The following RERE variants were observed in gnomAD, a reference collection of about 807,000 sequenced individuals.
RERE encodes the protein arginine-glutamic acid dipeptide repeats protein.
A neutral mutation model predicts 146.1 loss-of-function variants in RERE; 40 were observed. The ratio of observed to expected loss-of-function variants is 0.27; its 90% CI spans 0.21 to 0.36. The LOEUF is 0.36. Among genes scored for constraint, RERE ranks in the 10% least tolerant of loss-of-function variants. The pLI, the probability that RERE is intolerant of heterozygous loss-of-function variation, is 1.00. For synonymous variants in RERE, 1,003 were observed against 866.0 expected (o/e 1.16, Z -2.78); for missense variants, 1,933 against 2,138.7 (o/e 0.90, Z 1.90).
chr1:8,446,844 T>C (rs1359597318), intron 11 of RERE, among the ~76,000 whole-genome samples: 1 of 151,796 alleles, frequency 6.6e-6, no homozygotes, highest in Middle Eastern at 3.2e-3. Flanking sequence ...GGGCTAATTT[T>C]TTTTTTTTGT....
intron 1 of RERE, among the ~76,000 whole-genome samples, chr1:8,709,018 T>C (rs1639615169): frequency 6.8e-6 from 1 of 146,380 alleles, no homozygotes; most frequent in South Asian, 2.3e-4. Flanking sequence ...GTTCACGCCA[T>C]TCTTCTGCCT....
At chr1:8,525,724 C>A (rs758568964) in intron 7 of RERE, 1 of 1,572,082 alleles carries the variant, frequency 6.4e-7, no homozygotes. Context: ...CAAAACCCAT[C>A]ACTGTTTCGG....
chr1:8,473,737 T>C (rs1644719806), intron 10 of RERE, among the ~76,000 whole-genome samples: 1 of 152,358 alleles, frequency 6.6e-6, no homozygotes, highest in Admixed American at 6.5e-5. Flanking sequence ...GGTTTTCATC[T>C]GTTAAATGGG....
intron 1 of RERE, among the ~76,000 whole-genome samples, chr1:8,657,291 C>T (rs1281142944): frequency 3.4e-5 from 4 of 116,824 alleles, no homozygotes; most frequent in African/African-American, 1.0e-4. Context: ...GGCGACAGAG[C>T]GAGAGACTCC....
At chr1:8,540,846 C>T (rs1645791904) in intron 7 of RERE, among the ~76,000 whole-genome samples, 1 of 152,090 alleles carries the variant, frequency 6.6e-6, no homozygotes, top group African/African-American at 2.4e-5. Context: ...TAGTCTTTTT[C>T]AATATGGTAT....
At chr1:8,559,223 T>C (rs1295479406) in intron 4 of RERE, among the ~76,000 whole-genome samples, 1 of 126,144 alleles carries the variant, frequency 7.9e-6, no homozygotes, top group African/African-American at 3.1e-5. Flanking sequence ...GAAGTTGAGG[T>C]GAGCCAAGAT....
At chr1:8,567,190 C>G (rs76562614) in intron 4 of RERE, among the ~76,000 whole-genome samples, 239 of 152,226 alleles carry the variant, frequency 1.6e-3, no homozygotes, top group African/African-American at 5.3e-3. Flanking sequence ...CTTGTAGGCA[C>G]TAGGATCAAG....
intron 1 of RERE, among the ~76,000 whole-genome samples, chr1:8,760,060 T>C (rs1431190409): frequency 6.6e-6 from 1 of 152,152 alleles, no homozygotes; most frequent in Non-Finnish European, 1.5e-5. Flanking sequence ...AGTTTCACTC[T>C]TGTTGCCCAG....
chr1:8,527,061 T>C lies in RERE; in HGVS notation c.830+14153A>G, dbSNP rs956739487. ...AAAGCCTGTTGAAAAGAACACACAG[T>C]GTCCTCAAGATTCCTACAGTGAATG... On this transcript the variant is annotated intron_variant, in intron 7 of 22. Transcript: ENST00000400908. 1.3e-5 allele frequency among the ~76,000 whole-genome samples: 2 copies of C among 152,362 alleles called. 1 individual carries two copies. The highest frequency in any genetic ancestry group is 4.1e-4 in the South Asian group (2 of 4,824).
intron 7 of RERE, among the ~76,000 whole-genome samples, chr1:8,529,640 G>A (rs77736662): frequency 6.6e-6 from 1 of 151,848 alleles, no homozygotes. Context: ...GCTGACACAA[G>A]GGGCAATGAA....
intron 1 of RERE, among the ~76,000 whole-genome samples, chr1:8,804,395 A>G (rs929351693): frequency 6.6e-6 from 1 of 152,238 alleles, no homozygotes; most frequent in African/African-American, 2.4e-5. Context: ...AAGGATTACA[A>G]TAATACTGTC....
chr1:8,627,746 T>C (rs1646992105), intron 2 of RERE, among the ~76,000 whole-genome samples: 1 of 152,176 alleles, frequency 6.6e-6, no homozygotes, highest in Non-Finnish European at 1.5e-5. Flanking sequence ...CTGTGAGATA[T>C]AAAGCTAACT....
intron 1 of RERE, among the ~76,000 whole-genome samples, chr1:8,751,323 T>A (rs1640530206): frequency 1.3e-5 from 2 of 152,188 alleles, no homozygotes; most frequent in African/African-American, 4.8e-5. Flanking sequence ...TTGCATCTAG[T>A]CTCTCATTTG....
At chr1:8,658,102 T>C (rs957811991) in intron 1 of RERE, among the ~76,000 whole-genome samples, 2 of 152,224 alleles carry the variant, frequency 1.3e-5, no homozygotes, top group African/African-American at 4.8e-5. Flanking sequence ...GGAAAAAATT[T>C]TGTCTTTCTA....
intron 1 of RERE, among the ~76,000 whole-genome samples, chr1:8,732,808 CTTT>C (rs59337140): frequency 7.4e-3 from 487 of 65,728 alleles, no homozygotes; most frequent in Middle Eastern, 0.016. Flanking sequence ...TTCAATTTTT[CTTT>C]TTTTTTTTTT....
chr1:8,584,399 T>G (rs553033895), intron 4 of RERE, among the ~76,000 whole-genome samples: 19 of 151,856 alleles, frequency 1.3e-4, no homozygotes, highest in Non-Finnish European at 2.5e-4. Context: ...AAAAAAAAAT[T>G]ATCTGGGCAT....
At chr1:8,501,375 G>A (rs1304622789) in intron 8 of RERE, among the ~76,000 whole-genome samples, 3 of 88,460 alleles carry the variant, frequency 3.4e-5, no homozygotes, top group Non-Finnish European at 6.6e-5. Flanking sequence ...AGTCCGGGAG[G>A]AAGGTGGGGG....
intron 2 of RERE, among the ~76,000 whole-genome samples, chr1:8,627,397 T>A (rs1371117342): frequency 6.6e-6 from 1 of 151,850 alleles, no homozygotes; most frequent in Non-Finnish European, 1.5e-5. Flanking sequence ...CTGAGGTCAG[T>A]TCAAGACCAG....
intron 11 of RERE, among the ~76,000 whole-genome samples, chr1:8,452,523 C>A (rs1644400715): frequency 6.6e-6 from 1 of 151,926 alleles, no homozygotes; most frequent in South Asian, 2.1e-4. Context: ...ACACAGAAAT[C>A]AATAATGTTT....
Sources: allele counts gnomAD v4.1 joint callset (sites outside exome capture counted in the v4.1 genomes callset), GRCh38; gene constraint gnomAD v4.1.1; transcripts MANE v1.5; gene names NCBI Gene and HGNC (gene_info 2026-07-23, HGNC 2026-07-21).